Variants in CSMD1 observed in about 807,000 individuals in gnomAD.
CSMD1 encodes the protein CUB and sushi domain-containing protein 1.
A neutral mutation model predicts 417.5 loss-of-function variants in CSMD1; 213 were observed. The observed-to-expected ratio is 0.51, with a 90% CI of 0.46 to 0.57. CSMD1 has a LOEUF of 0.57. Ranked by LOEUF, CSMD1 falls within the 20% of genes least tolerant of loss-of-function variation. The probability of loss-of-function intolerance (pLI) is 0.00; values close to 1 mark genes in which losing one functional copy is unlikely to be tolerated. For missense variants in CSMD1, 6,923 were observed against 4,529.7 expected, an observed-to-expected ratio of 1.53 and a Z score of -15.17; for synonymous variants, 2,862 against 1,736.8, an observed-to-expected ratio of 1.65 and a Z score of -16.11.
At chr8:3,710,405 G>C (rs1005534262) in intron 6 of CSMD1, among the ~76,000 whole-genome samples, 1 of 152,156 alleles carries the variant, frequency 6.6e-6, no homozygotes, top group Non-Finnish European at 1.5e-5. Context: ...TGTAAGGCTG[G>C]AGACGATCAA....
chr8:3,683,694 G>C (rs1418009245), intron 7 of CSMD1, among the ~76,000 whole-genome samples: 2 of 152,000 alleles, frequency 1.3e-5, no homozygotes, highest in African/African-American at 4.8e-5. Flanking sequence ...TTCCACACTA[G>C]ACAGAAAGAG....
At chr8:4,317,758 C>G (rs1799018781) in intron 3 of CSMD1, among the ~76,000 whole-genome samples, 1 of 152,086 alleles carries the variant, frequency 6.6e-6, no homozygotes, top group African/African-American at 2.4e-5. Context: ...TAGGTTACTT[C>G]CACACTGCCC....
intron 14 of CSMD1, among the ~76,000 whole-genome samples, chr8:3,407,516 G>C (rs1812428706): frequency 6.6e-6 from 1 of 151,778 alleles, no homozygotes; most frequent in Non-Finnish European, 1.5e-5. Flanking sequence ...TGAATGAAAG[G>C]ATACAGATGG....
intron 10 of CSMD1, among the ~76,000 whole-genome samples, chr8:3,496,080 T>C (rs1796352303): frequency 6.6e-6 from 1 of 152,134 alleles, no homozygotes; most frequent in Non-Finnish European, 1.5e-5. Flanking sequence ...CGAAATAGGC[T>C]CCGATGTGTG....
At chr8:4,785,134 T>A (rs144950840) in intron 1 of CSMD1, among the ~76,000 whole-genome samples, 1 of 152,208 alleles carries the variant, frequency 6.6e-6, no homozygotes, top group African/African-American at 2.4e-5. Flanking sequence ...TTTTAAACCA[T>A]GTGGAAAAGA....
chr8:4,130,235 A>G (rs1018881155), intron 3 of CSMD1, among the ~76,000 whole-genome samples: 4 of 152,104 alleles, frequency 2.6e-5, no homozygotes, highest in Admixed American at 6.6e-5. Context: ...TCAGTCTAGT[A>G]TGTAAGTTTG....
chr8:3,588,475 A>G (rs1194494011), intron 8 of CSMD1, among the ~76,000 whole-genome samples: 1 of 152,108 alleles, frequency 6.6e-6, no homozygotes, highest in Non-Finnish European at 1.5e-5. Flanking sequence ...GGGGAGTTCA[A>G]ACAGAAAGGG....
chr8:3,510,421 T>A (rs947716079), intron 10 of CSMD1, among the ~76,000 whole-genome samples: 15 of 151,818 alleles, frequency 9.9e-5, no homozygotes, highest in Admixed American at 9.8e-4. Context: ...TGTTGCTGAT[T>A]TGGCCTGGCA....
intron 2 of CSMD1, 74 bp downstream of exon 2, chr8:4,637,268 A>T: frequency 1.5e-6 from 2 of 1,295,314 alleles, no homozygotes; most frequent in Non-Finnish European, 2.2e-6. Flanking sequence ...AATAAAATTT[A>T]AATATTCCAA....
chr8:3,543,977 G>C (rs757190304), intron 10 of CSMD1, among the ~76,000 whole-genome samples: 1 of 152,160 alleles, frequency 6.6e-6, no homozygotes, highest in African/African-American at 2.4e-5. Context: ...AGCAGAAAGA[G>C]TCAGATAGGA....
chr8:3,608,631 G>A (rs2117120995), intron 8 of CSMD1, among the ~76,000 whole-genome samples: 1 of 151,984 alleles, frequency 6.6e-6, no homozygotes, highest in Non-Finnish European at 1.5e-5. Flanking sequence ...GGGCATGGTA[G>A]CACACGCCTG....
intron 2 of CSMD1, among the ~76,000 whole-genome samples, chr8:4,445,769 C>G (rs1369589982): frequency 2.6e-5 from 4 of 152,138 alleles, no homozygotes; most frequent in African/African-American, 7.2e-5. Flanking sequence ...AGAATCTACA[C>G]TAAGAAATCA....
intron 7 of CSMD1, among the ~76,000 whole-genome samples, chr8:3,644,633 T>C (rs1250622809): frequency 6.6e-6 from 1 of 152,114 alleles, no homozygotes; most frequent in Admixed American, 6.5e-5. Flanking sequence ...GCCAGACCCC[T>C]ATTACCTTCA....
At chr8:4,320,812 T>C (rs1171843783) in intron 3 of CSMD1, among the ~76,000 whole-genome samples, 2 of 152,320 alleles carry the variant, frequency 1.3e-5, no homozygotes, top group East Asian at 1.9e-4. Context: ...ACCTACCATT[T>C]GACCCAACAA....
chr8:4,276,474 G>A (rs140467009), intron 3 of CSMD1, among the ~76,000 whole-genome samples: 2 of 152,224 alleles, frequency 1.3e-5, no homozygotes, highest in South Asian at 2.1e-4. Context: ...GGGCCTGTCA[G>A]GAGAAATACC....
At chr8:4,927,356 C>A (rs1022196100) in intron 1 of CSMD1, among the ~76,000 whole-genome samples, 1 of 152,044 alleles carries the variant, frequency 6.6e-6, no homozygotes, top group East Asian at 1.9e-4. Context: ...CCACGCCCGG[C>A]CAAATGCATT....
At chr8:3,728,000 G>A (rs973475147) in intron 6 of CSMD1, among the ~76,000 whole-genome samples, 2 of 152,180 alleles carry the variant, frequency 1.3e-5, no homozygotes, top group African/African-American at 2.4e-5. Context: ...GCATGGTGGT[G>A]GAGGCTACAC....
chr8:4,965,385 G>C (rs1384878136), intron 1 of CSMD1, among the ~76,000 whole-genome samples: 2 of 152,142 alleles, frequency 1.3e-5, no homozygotes, highest in South Asian at 2.1e-4. Context: ...CCCCCTATCT[G>C]AATATTTTGA....
At chr8:3,429,463 C>G (rs193207551) in intron 12 of CSMD1, among the ~76,000 whole-genome samples, 17 of 152,260 alleles carry the variant, frequency 1.1e-4, no homozygotes, top group Admixed American at 5.2e-4. Context: ...AACACTTGTA[C>G]ACAGATGTTC....
Sources: gnomAD v4.1 joint callset for allele counts (sites outside exome capture counted in the v4.1 genomes callset) on GRCh38, gnomAD v4.1.1 for gene constraint, MANE v1.5 for transcripts, NCBI Gene and HGNC (gene_info 2026-07-23, HGNC 2026-07-21) for gene names.